PVT1: variants seen among roughly 807,000 people sequenced by gnomAD.
PVT1 encodes the protein CXCR4/PVT1 fusion.
At chr8:127,977,451 G>A (rs910407612) in intron 3 of PVT1, among the ~76,000 whole-genome samples, 25 of 152,134 alleles carry the variant, frequency 1.6e-4, no homozygotes, top group African/African-American at 5.5e-4. Flanking sequence ...AGAAATCTTG[G>A]CTGGGCATGG....
At chr8:127,954,023 G>A (rs958660003) in intron 3 of PVT1, among the ~76,000 whole-genome samples, 9 of 152,142 alleles carry the variant, frequency 5.9e-5, no homozygotes, top group African/African-American at 2.2e-4. Context: ...TTAATTACTA[G>A]CAGTAAGGCA....
chr8:127,935,429 G>A (rs192877108), intron 3 of PVT1, among the ~76,000 whole-genome samples: 2 of 150,122 alleles, frequency 1.3e-5, no homozygotes, highest in African/African-American at 2.5e-5. Flanking sequence ...CCAGGTCAGG[G>A]TGTGTGTGTG....
intron 4 of PVT1, among the ~76,000 whole-genome samples, chr8:128,020,770 G>A (rs1817423897): frequency 6.6e-6 from 1 of 152,236 alleles, no homozygotes; most frequent in Admixed American, 6.5e-5. Flanking sequence ...ATTTGTTATA[G>A]TGGCTGTAGA....
At chr8:127,883,186 C>T (rs961482306) in intron 2 of PVT1, among the ~76,000 whole-genome samples, 1 of 148,452 alleles carries the variant, frequency 6.7e-6, no homozygotes, top group Non-Finnish European at 1.5e-5. Context: ...CCCCTGCAAA[C>T]GGTGCTCCCC....
intron 3 of PVT1, among the ~76,000 whole-genome samples, chr8:127,925,783 A>G (rs1419282148): frequency 6.6e-6 from 1 of 152,044 alleles, no homozygotes; most frequent in Non-Finnish European, 1.5e-5. Context: ...CTGGGACTAT[A>G]GGCATACACC....
chr8:128,089,160 G>A (rs1814315822), intron 5 of PVT1, among the ~76,000 whole-genome samples: 2 of 152,204 alleles, frequency 1.3e-5, no homozygotes, highest in South Asian at 4.1e-4. Context: ...TCTGATCAGA[G>A]ACCTACTGTC....
intron 3 of PVT1, among the ~76,000 whole-genome samples, chr8:127,984,516 C>G (rs544266779): frequency 6.6e-6 from 1 of 152,206 alleles, no homozygotes; most frequent in South Asian, 2.1e-4. Context: ...TTATCAAGCA[C>G]CCACTCTGAG....
intron 4 of PVT1, among the ~76,000 whole-genome samples, chr8:128,005,891 G>A (rs1026377127): frequency 5.3e-5 from 8 of 152,110 alleles, no homozygotes; most frequent in African/African-American, 1.4e-4. Flanking sequence ...ATTACTTGAG[G>A]TCAGGAGTTC....
chr8:128,013,957 A>G (rs1279517801), intron 4 of PVT1, among the ~76,000 whole-genome samples: 3 of 152,228 alleles, frequency 2.0e-5, no homozygotes, highest in African/African-American at 7.2e-5. Context: ...CCTTTACAGA[A>G]ATCTTTACAG....
rs144620916 is a variant in PVT1 at position 128,087,024 on chromosome 8, T to C, written n.1115-9494T>C. ...CCAGAATTGTCATAATGCAGCGTCTTTGCTTAGGTTGCACGATCAGTGCCC... is the reference window on the plus strand; with the variant it reads ...CCAGAATTGTCATAATGCAGCGTCTCTGCTTAGGTTGCACGATCAGTGCCC... On this transcript the variant is annotated intron_variant and non_coding_transcript_variant, in intron 5 of 10. Transcript: ENST00000651587. Among the ~76,000 whole-genome samples the C allele has an allele frequency of 2.5e-4, 38 of 152,384 alleles. No homozygotes were observed. The East Asian group carries it at 4.8e-3, about 19-fold the overall frequency.
intron 4 of PVT1, among the ~76,000 whole-genome samples, chr8:128,001,641 C>T (rs1586475732): frequency 6.6e-6 from 1 of 152,292 alleles, no homozygotes; most frequent in East Asian, 1.9e-4. Flanking sequence ...CCATGATTTC[C>T]CCTTTGCTCC....
chr8:127,995,738 G>C (rs1223308111), intron 4 of PVT1, among the ~76,000 whole-genome samples: 1 of 152,138 alleles, frequency 6.6e-6, no homozygotes, highest in Non-Finnish European at 1.5e-5. Context: ...ATTATTCATG[G>C]TGTTTCAAGC....
chr8:127,822,607 T>C (rs1469442081), intron 2 of PVT1, among the ~76,000 whole-genome samples: 4 of 152,014 alleles, frequency 2.6e-5, no homozygotes, highest in African/African-American at 9.7e-5. Flanking sequence ...ATAAATTCAA[T>C]GCAGTGATTA....
intron 1 of PVT1, among the ~76,000 whole-genome samples, chr8:127,794,946 C>G (rs1814376982): frequency 6.6e-6 from 1 of 151,978 alleles, no homozygotes; most frequent in African/African-American, 2.4e-5. Flanking sequence ...ACCGAATGGC[C>G]GGTGCATAGA....
chr8:127,838,335 G>C (rs1271486834), intron 2 of PVT1, among the ~76,000 whole-genome samples: 2 of 152,186 alleles, frequency 1.3e-5, no homozygotes, highest in Non-Finnish European at 2.9e-5. Flanking sequence ...AATGGAACCT[G>C]TGCTCAGAAT....
intron 3 of PVT1, among the ~76,000 whole-genome samples, chr8:127,957,397 T>C (rs1816582520): frequency 1.3e-5 from 2 of 151,798 alleles, no homozygotes; most frequent in African/African-American, 4.8e-5. Flanking sequence ...TGAAACCCCA[T>C]CTCTATTAAA....
intron 4 of PVT1, among the ~76,000 whole-genome samples, chr8:128,038,230 A>G (rs1287701019): frequency 6.6e-6 from 1 of 152,178 alleles, no homozygotes; most frequent in Non-Finnish European, 1.5e-5. Context: ...GCTGTTTGGA[A>G]TTAAGAATTT....
intron 2 of PVT1, among the ~76,000 whole-genome samples, chr8:127,833,820 A>G (rs189409361): frequency 2.6e-5 from 4 of 152,192 alleles, no homozygotes; most frequent in South Asian, 4.2e-4. Flanking sequence ...GGGGGACACC[A>G]TTGTTTTCTA....
At chr8:127,987,516 C>T (rs779437958) in intron 3 of PVT1, among the ~76,000 whole-genome samples, 1 of 152,224 alleles carries the variant, frequency 6.6e-6, no homozygotes, top group Admixed American at 6.5e-5. Flanking sequence ...AAGTCTCTAG[C>T]ATTTGCCTAA....
Sources: gnomAD v4.1 joint callset for allele counts (sites outside exome capture counted in the v4.1 genomes callset) on GRCh38, gnomAD v4.1.1 for gene constraint, MANE v1.5 for transcripts, NCBI Gene and HGNC (gene_info 2026-07-23, HGNC 2026-07-21) for gene names.